SPON2: variants seen among roughly 807,000 people sequenced by gnomAD.
SPON2 encodes spondin 2.
A neutral mutation model predicts 29.9 loss-of-function variants in SPON2; 32 were observed. The ratio of observed to expected loss-of-function variants is 1.07; its 90% CI spans 0.81 to 1.44. SPON2 has a LOEUF of 1.44. SPON2 is among the 40% of genes most tolerant of loss of function. SPON2 has a pLI of 0.00. For synonymous variants in SPON2, 248 were observed against 209.1 expected (o/e 1.19, Z -1.61); for missense variants, 541 against 455.5 (o/e 1.19, Z -1.71).
chr4:1,177,632 CA>C (rs1331085270), upstream of SPON2, among the ~76,000 whole-genome samples: 3 of 152,200 alleles, frequency 2.0e-5, no homozygotes, highest in Non-Finnish European at 4.4e-5. Flanking sequence ...AAGATCCCTT[CA>C]GGGGGCAGGG....
Position 1,171,909 on chromosome 4 carries a change from C to T in SPON2, c.163G>A (p.Ala55Thr), listed in dbSNP as rs1727467754. ...AACAGGGGGTACTGCTTGGGGAAGGCCGTCTGGCTCCACTTGCCCGTGAAG... is the reference window on the plus strand; with the variant it reads ...AACAGGGGGTACTGCTTGGGGAAGGTCGTCTGGCTCCACTTGCCCGTGAAG... ...ITFTGKWSQT[A>T]FPKQYPLFRP... Residue 55 changes from alanine (A) to threonine (T), a missense_variant, in exon 2 of 6, where the codon GCC becomes ACC. Coordinates refer to ENST00000290902, the MANE Select transcript of SPON2 (RefSeq NM_012445.4). The T allele has an allele frequency of 6.2e-7, 1 of 1,612,878 alleles. No homozygotes were observed.
At chr4:1,200,779 C>T (rs764394566) in intron 1 of SPON2, 10 of 456,218 alleles carry the variant, frequency 2.2e-5, no homozygotes, top group Non-Finnish European at 4.4e-6. Context: ...CCCCCCACCC[C>T]TCTGGTCCCT....
chr4:1,205,299 G>C (rs1010397420), intron 1 of SPON2, among the ~76,000 whole-genome samples: 1 of 152,238 alleles, frequency 6.6e-6, no homozygotes, highest in African/African-American at 2.4e-5. Context: ...GGACACAGGA[G>C]GTGGCGCTGG....
rs1304946880 is a variant in SPON2, at chr4:1,185,480, A to G, written c.-238-5939T>C. ...CCCAGCACTTTGGGAGGCTGAGGCG[A>G]GCGGATCACCTGAGGTCGGGAGTTC... On this transcript the variant is annotated intron_variant, in intron 1 of 3. Transcript: ENST00000502483. Among the ~76,000 whole-genome samples, 31 of 150,754 alleles carry G rather than the reference A, an allele frequency of 2.1e-4. 2 individuals are homozygous for G. The East Asian group carries it at 5.7e-3, about 28-fold the overall frequency.
chr4:1,171,413 C>A lies in SPON2; in HGVS notation c.294G>T (p.Ala98=). 1.2e-6 allele frequency: 2 copies of A among 1,612,344 alleles called. No homozygotes were observed. The highest frequency in any genetic ancestry group is 3.3e-5 in the Admixed American group (2 of 60,030). ...TCAGCGCCCAGGCCTCGCCGCGCTC[C>A]GCAAAGTCGCGCAGCCCGTTACTGA... The part of the protein sequence containing the change: ...QYVSNGLRDF[A]ERGEAWALMK... Residue 98 remains alanine, a synonymous_variant, in exon 3 of 6, where the codon GCG becomes GCT. Coordinates refer to ENST00000290902, the MANE Select transcript of SPON2 (RefSeq NM_012445.4).
In SPON2 at chr4:1,202,251, G is replaced by T. The variant is rs1728229098; in HGVS notation, c.-234+5629C>A. 6.6e-6 allele frequency among the ~76,000 whole-genome samples: 1 copy of T among 152,206 alleles called. No homozygotes were observed. The highest frequency in any genetic ancestry group is 1.5e-5 in the Non-Finnish European group (1 of 68,032). On this transcript the variant is annotated intron_variant, in intron 1 of 3. Coordinates refer to the SPON2 transcript ENST00000509233. This position sits in a 1 kb window ranked among gnomAD's most constrained non-coding sequence, Gnocchi z 5.4. The stretch of plus-strand genomic sequence containing the variant: ...CGCATCCTCACCGGCTGGAGGGTGG[G>T]TCTGCCCCACAAGCCCTTTTCATGG...
rs541747882 is a variant in SPON2, at chr4:1,186,104, C to T, written c.-238-6563G>A. ...CTAAAAATACAAAAAATTAGCCGGGCGTGGTGGTGGGCGCCTGTAGTCCCA... is the reference window on the plus strand; with the variant it reads ...CTAAAAATACAAAAAATTAGCCGGGTGTGGTGGTGGGCGCCTGTAGTCCCA... On this transcript the variant is annotated intron_variant, in intron 1 of 3. Transcript: ENST00000502483. 2.0e-3 allele frequency among the ~76,000 whole-genome samples: 296 copies of T among 149,924 alleles called. No homozygotes were observed. In the Middle Eastern group the frequency reaches 0.021, roughly 10 times the overall value.
chr4:1,170,736 G>T, intron 4 of SPON2, 160 bp from the exon 5 acceptor site: 1 of 1,067,730 alleles, frequency 9.4e-7, no homozygotes, highest in Non-Finnish European at 1.4e-6. Flanking sequence ...CACGGAACAC[G>T]GGCTGGAAAC....
chr4:1,196,082 G>C (rs1190251377), upstream of SPON2, among the ~76,000 whole-genome samples: 1 of 152,196 alleles, frequency 6.6e-6, no homozygotes, highest in East Asian at 1.9e-4. Flanking sequence ...CCCTCTGGCT[G>C]CCCCATCGCT....
intron 1 of SPON2, chr4:1,205,073 T>A (rs1263002294): frequency 6.6e-6 from 1 of 152,406 alleles, no homozygotes; most frequent in Non-Finnish European, 1.5e-5. Flanking sequence ...TGCATGCAGC[T>A]CTTCCCGGGG....
Position 1,171,151 on chromosome 4 carries a change from A to G in SPON2, c.484T>C (p.Phe162Leu). 6.4e-7 allele frequency: 1 copy of G among 1,553,316 alleles called. No homozygotes were observed. Reference sequence around the variant, plus strand: ...AGGTCCAGGCTGTCCACGCCCACGAACCAGTCGGGGCTGGGCACGATGCGC... The same window carrying G: ...AGGTCCAGGCTGTCCACGCCCACGAGCCAGTCGGGGCTGGGCACGATGCGC... Reference protein sequence around the residue: ...VVRIVPSPDWFVGVDSLDLCD... With the variant: ...VVRIVPSPDWLVGVDSLDLCD... The change falls in exon 4 of 6, where the codon TTC becomes CTC. Residue 162 changes from phenylalanine to leucine, a missense_variant. Physicochemically the swap from Phe to Leu is conservative, Grantham distance 22. Coordinates refer to ENST00000290902, the MANE Select transcript of SPON2 (RefSeq NM_012445.4).
upstream of SPON2, among the ~76,000 whole-genome samples, chr4:1,173,397 G>GC (rs1374844745): frequency 1.3e-5 from 2 of 152,178 alleles, no homozygotes; most frequent in Admixed American, 1.3e-4. Flanking sequence ...CAGAAAGGGG[G>GC]CCCCCCTCCC....
intron 5 of SPON2, chr4:1,168,161 A>G (rs770280758): frequency 6.5e-6 from 1 of 154,370 alleles, no homozygotes; most frequent in Non-Finnish European, 1.4e-5. Flanking sequence ...ATTTTCATAA[A>G]TTTAAAAATC....
At chr4:1,197,957 A>G (rs1728105265), upstream of SPON2, among the ~76,000 whole-genome samples, 1 of 151,968 alleles carries the variant, frequency 6.6e-6, no homozygotes, top group Non-Finnish European at 1.5e-5. Context: ...CTAAGACAGA[A>G]CAATTGCTTG....
At chr4:1,171,670 C>T (rs990312801) in intron 2 of SPON2, 182 bp downstream of exon 2, 6 of 763,024 alleles carry the variant, frequency 7.9e-6, no homozygotes, top group African/African-American at 6.9e-5. Context: ...CCCGTGAGCG[C>T]CCCCTGCCCC....
chr4:1,180,642 A>G (rs919888213), intron 1 of SPON2, among the ~76,000 whole-genome samples: 6 of 152,244 alleles, frequency 3.9e-5, no homozygotes, highest in African/African-American at 1.4e-4. Context: ...AATTTAAAGT[A>G]TAAGAGTGAT....
At chr4:1,200,806 A>T (rs13115903) in intron 1 of SPON2, 140,488 of 456,466 alleles carry the variant, frequency 0.31, 22,615 homozygotes, top group Non-Finnish European at 0.34. Context: ...GCTGTGAGCA[A>T]GTGGAGAAAG....
chr4:1,182,129 G>T (rs1251270162), intron 1 of SPON2, among the ~76,000 whole-genome samples: 1 of 152,126 alleles, frequency 6.6e-6, no homozygotes, highest in Admixed American at 6.5e-5. Flanking sequence ...GGGGAAACAT[G>T]ATTTTCAAAA....
intron 1 of SPON2, among the ~76,000 whole-genome samples, chr4:1,186,122 T>C (rs1393288779): frequency 6.6e-6 from 1 of 150,598 alleles, no homozygotes; most frequent in Non-Finnish European, 1.5e-5. Flanking sequence ...TGGGCGCCTG[T>C]AGTCCCAGCT....
Sources: gnomAD v4.1 joint callset for allele counts (sites outside exome capture counted in the v4.1 genomes callset) on GRCh38, gnomAD v4.1.1 for gene constraint, Gnocchi (gnomAD v3.1) non-coding constraint, MANE v1.5 for transcripts, NCBI Gene and HGNC (gene_info 2026-07-23, HGNC 2026-07-21) for gene names.